Variants in GRM1 observed in about 807,000 individuals in gnomAD.
GRM1 encodes the protein glutamate metabotropic receptor 1, also known as metabotropic glutamate receptor 1.
Under a neutral mutation model 90.9 loss-of-function variants are expected in GRM1, and 33 were observed. The observed-to-expected ratio is 0.36, with a 90% CI of 0.28 to 0.49. GRM1 has a LOEUF of 0.49. Among genes scored for constraint, GRM1 ranks in the 20% least tolerant of loss-of-function variants. GRM1 has a pLI of 0.99. For missense variants in GRM1, 1,190 were observed against 1,534.3 expected (o/e 0.78, Z 3.75); for synonymous variants, 700 against 613.2 (o/e 1.14, Z -2.09).
At chr6:146,166,459 T>C (rs759928480) in intron 2 of GRM1, among the ~76,000 whole-genome samples, 5 of 152,154 alleles carry the variant, frequency 3.3e-5, no homozygotes, top group Non-Finnish European at 5.9e-5. Context: ...TTTTTTTCTT[T>C]CTTGAAATTT....
At chr6:146,114,696 A>G (rs897263551) in intron 1 of GRM1, among the ~76,000 whole-genome samples, 5 of 152,194 alleles carry the variant, frequency 3.3e-5, no homozygotes, top group African/African-American at 9.6e-5. Context: ...ATCAGACTGG[A>G]TAGAAAGGAA....
At chr6:146,080,691 G>C (rs1173651403) in intron 1 of GRM1, among the ~76,000 whole-genome samples, 1 of 152,106 alleles carries the variant, frequency 6.6e-6, no homozygotes, top group Admixed American at 6.6e-5. Context: ...GGGAGGACAA[G>C]AGCAGTAAAG....
chr6:146,060,966 A>T (rs909052125), intron 1 of GRM1, among the ~76,000 whole-genome samples: 1 of 152,058 alleles, frequency 6.6e-6, no homozygotes, highest in African/African-American at 2.4e-5. Flanking sequence ...ATGGTATCTC[A>T]TTGTGGTTTT....
At chr6:146,426,871 AT>A (rs201173399) in intron 7 of GRM1, among the ~76,000 whole-genome samples, 37 of 148,216 alleles carry the variant, frequency 2.5e-4, no homozygotes, top group East Asian at 3.9e-4. Flanking sequence ...TTGATGCACT[AT>A]TTTTTTTTTC....
At chr6:146,385,605 G>A (rs1280704634) in intron 5 of GRM1, among the ~76,000 whole-genome samples, 1 of 151,780 alleles carries the variant, frequency 6.6e-6, no homozygotes, top group Non-Finnish European at 1.5e-5. Context: ...CCAAAATGTG[G>A]ACCTAAACAA....
At chr6:146,376,490 G>A (rs1049685668) in intron 5 of GRM1, among the ~76,000 whole-genome samples, 1 of 151,986 alleles carries the variant, frequency 6.6e-6, no homozygotes, top group Non-Finnish European at 1.5e-5. Context: ...GCTTTTGTCT[G>A]GGAGTCTTTA....
intron 1 of GRM1, among the ~76,000 whole-genome samples, chr6:146,141,825 C>T (rs1005284124): frequency 2.6e-5 from 4 of 152,110 alleles, no homozygotes; most frequent in East Asian, 1.9e-4. Context: ...TTCTTCAAAA[C>T]GGCTATTTGG....
chr6:146,097,633 C>A (rs142239818), intron 1 of GRM1, among the ~76,000 whole-genome samples: 9 of 152,324 alleles, frequency 5.9e-5, no homozygotes, highest in Non-Finnish European at 1.0e-4. Flanking sequence ...ATCTTCCCCC[C>A]CTACATTTTC....
chr6:146,095,937 T>G (rs1776859729), intron 1 of GRM1, among the ~76,000 whole-genome samples: 1 of 152,156 alleles, frequency 6.6e-6, no homozygotes, highest in Admixed American at 6.6e-5. Context: ...GGCAGTCTTT[T>G]CCATTTCAGA....
In GRM1 at chr6:146,134,125, C is replaced by T. The variant is rs115305339; in HGVS notation, c.701-25223C>T. The stretch of plus-strand genomic sequence containing the variant: ...GGTCTACCCGCTATAGATGCCTACT[C>T]ATATGTCTCATTCTCCTGCAGCATA... On this transcript the variant is annotated intron_variant, in intron 1 of 7. Coordinates refer to ENST00000282753, the MANE Select transcript of GRM1 (RefSeq NM_001278064.2). Among the ~76,000 whole-genome samples the T allele has an allele frequency of 9.9e-3, 1,509 of 152,306 alleles. 21 individuals carry two copies. Among genetic ancestry groups the T allele is most frequent in the African/African-American group, 0.034 (1,401 of 41,556 alleles).
chr6:146,334,334 C>T (rs1583341882), intron 3 of GRM1, among the ~76,000 whole-genome samples: 2 of 152,150 alleles, frequency 1.3e-5, no homozygotes, highest in Admixed American at 1.3e-4. Context: ...CCAGGTTCTG[C>T]CTGGAGAAAA....
intron 3 of GRM1, among the ~76,000 whole-genome samples, chr6:146,341,200 A>G (rs976750413): frequency 1.3e-5 from 2 of 152,164 alleles, no homozygotes; most frequent in African/African-American, 4.8e-5. Context: ...TTGGTTAGGT[A>G]TGACTAACTA....
intron 1 of GRM1, among the ~76,000 whole-genome samples, chr6:146,145,641 A>G (rs1036227767): frequency 1.3e-5 from 2 of 152,246 alleles, no homozygotes; most frequent in Non-Finnish European, 2.9e-5. Flanking sequence ...TAGATTCTAC[A>G]GGATGTCATG....
At chr6:146,277,292 C>T (rs903245698) in intron 2 of GRM1, among the ~76,000 whole-genome samples, 2 of 152,164 alleles carry the variant, frequency 1.3e-5, no homozygotes, top group African/African-American at 4.8e-5. Flanking sequence ...GCCTGTCTGC[C>T]TTTGGAATGC....
chr6:146,097,495 C>T (rs1350382782), intron 1 of GRM1, among the ~76,000 whole-genome samples: 2 of 152,118 alleles, frequency 1.3e-5, no homozygotes, highest in Non-Finnish European at 2.9e-5. Flanking sequence ...TTCTGGAATG[C>T]ATTTGCAAAA....
At chr6:146,078,917 C>T (rs1413725867) in intron 1 of GRM1, among the ~76,000 whole-genome samples, 1 of 152,094 alleles carries the variant, frequency 6.6e-6, no homozygotes, top group African/African-American at 2.4e-5. Context: ...AGATGAGGCT[C>T]GCAGACACTT....
chr6:146,213,717 TA>T (rs1779760230), intron 2 of GRM1, among the ~76,000 whole-genome samples: 1 of 151,762 alleles, frequency 6.6e-6, no homozygotes, highest in East Asian at 1.9e-4. Context: ...GATAGATAGA[TA>T]GATAGATAGA....
chr6:146,057,563 G>A (rs1285435151), intron 1 of GRM1, among the ~76,000 whole-genome samples: 1 of 152,064 alleles, frequency 6.6e-6, no homozygotes, highest in Non-Finnish European at 1.5e-5. Flanking sequence ...GTATATCAGC[G>A]AGATAACATA....
intron 2 of GRM1, among the ~76,000 whole-genome samples, chr6:146,180,858 G>C (rs974507025): frequency 6.6e-6 from 1 of 152,038 alleles, no homozygotes; most frequent in African/African-American, 2.4e-5. Context: ...AAGCAAAGTC[G>C]ACTCTTGAAT....
Sources: gnomAD v4.1 joint callset for allele counts (sites outside exome capture counted in the v4.1 genomes callset) on GRCh38, gnomAD v4.1.1 for gene constraint, MANE v1.5 for transcripts, NCBI Gene and HGNC (gene_info 2026-07-23, HGNC 2026-07-21) for gene names.